The following KIF26B variants were observed in gnomAD, a reference collection of about 807,000 sequenced individuals.
KIF26B encodes the protein kinesin-like protein KIF26B.
KIF26B carries 63 observed loss-of-function variants against 151.2 expected under a neutral mutation model. The ratio of observed to expected loss-of-function variants is 0.42; its 90% CI spans 0.34 to 0.51. KIF26B has a LOEUF of 0.51. KIF26B is among the 20% of genes least tolerant of loss of function. The pLI is 0.07. For missense variants in KIF26B, 2,813 were observed against 2,913.6 expected, an observed-to-expected ratio of 0.97 and a Z score of 0.79; for synonymous variants, 1,357 against 1,262.1, an observed-to-expected ratio of 1.08 and a Z score of -1.59.
At chr1:245,395,718 A>G (rs1217438738) in intron 3 of KIF26B, among the ~76,000 whole-genome samples, 3 of 152,188 alleles carry the variant, frequency 2.0e-5, no homozygotes, top group Non-Finnish European at 4.4e-5. Context: ...GCAATCTGAT[A>G]TACCCCCCAA....
rs1484968638 is a variant in KIF26B at position 245,606,958 on chromosome 1, C to T, written c.1558-693C>T. ...GCACATGCCTGTAATCCCAGCTACTCGGGAGGCTGAGGCAAGAGAATCACT... is the reference window on the plus strand; with the variant it reads ...GCACATGCCTGTAATCCCAGCTACTTGGGAGGCTGAGGCAAGAGAATCACT... On this transcript the variant is annotated intron_variant, in intron 6 of 14. Transcript: ENST00000407071. This position sits in a 1 kb window ranked among gnomAD's most constrained non-coding sequence, Gnocchi z 4.6. Among the ~76,000 whole-genome samples the T allele has an allele frequency of 1.3e-5, 2 of 149,220 alleles. No individual in the cohort carries two copies. Among genetic ancestry groups the T allele is most frequent in the Admixed American group, 1.4e-4 (2 of 14,770 alleles).
chr1:245,645,100 G>C (rs1294033166), intron 9 of KIF26B, among the ~76,000 whole-genome samples: 1 of 152,120 alleles, frequency 6.6e-6, no homozygotes, highest in Non-Finnish European at 1.5e-5. Flanking sequence ...CCATGGGAAG[G>C]GCACTAAGCT....
rs778953530 is a variant in KIF26B at position 245,686,372 on chromosome 1, G to C, written c.3389G>C (p.Gly1130Ala). Residue 1130 changes from glycine to alanine, a missense_variant, in exon 12 of 15, where the codon GGA becomes GCA. Physicochemically the swap from Gly to Ala is moderately conservative, Grantham distance 60 (BLOSUM62 0). This residue lies in a region of KIF26B where 2,060 missense variants were observed against 2,088.6 expected (regional missense o/e 0.99). Transcript: ENST00000407071. This position sits in a 1 kb window ranked among gnomAD's most constrained non-coding sequence, Gnocchi z 5.6. ...LQPEVRTPPVGMSPQVLKKSM... is the reference protein window; with the variant it reads ...LQPEVRTPPVAMSPQVLKKSM... ...CCCGAGGTGCGTACGCCCCCGGTTG[G>C]AATGAGCCCCCAGGTTTTGAAAAAA... 1 of 1,613,412 alleles carries C rather than the reference G, an allele frequency of 6.2e-7. No individual in the cohort carries two copies. Among genetic ancestry groups the C allele is most frequent in the Non-Finnish European group, 8.5e-7 (1 of 1,179,890 alleles).
At chr1:245,505,342 T>G (rs760115427) in intron 4 of KIF26B, among the ~76,000 whole-genome samples, 14 of 152,064 alleles carry the variant, frequency 9.2e-5, no homozygotes, top group Non-Finnish European at 2.1e-4. Flanking sequence ...GGGATCTATA[T>G]TTATAGACAA....
At chr1:245,497,585 T>G (rs1224499957) in intron 4 of KIF26B, among the ~76,000 whole-genome samples, 11 of 152,168 alleles carry the variant, frequency 7.2e-5, no homozygotes, top group Non-Finnish European at 1.5e-5. Flanking sequence ...GACAATAGTT[T>G]GAAATGAAAT....
At chr1:245,477,525 G>A (rs1660066408) in intron 4 of KIF26B, among the ~76,000 whole-genome samples, 1 of 151,828 alleles carries the variant, frequency 6.6e-6, no homozygotes, top group Admixed American at 6.6e-5. Flanking sequence ...ACAAGGTAGC[G>A]CAGGTACGGA....
intron 4 of KIF26B, among the ~76,000 whole-genome samples, chr1:245,492,017 C>A (rs774874938): frequency 2.9e-4 from 44 of 152,156 alleles, no homozygotes; most frequent in Non-Finnish European, 7.3e-5. Context: ...GTTTCTCTGA[C>A]TGTAAAATGG....
At position 245,687,254 on chromosome 1, in the gene KIF26B, G is replaced by A. The variant is rs1048801279; in HGVS notation, c.4271G>A (p.Arg1424Gln). 9 of 1,612,000 alleles carry A rather than the reference G, an allele frequency of 5.6e-6. No individual in the cohort carries two copies. Among genetic ancestry groups the A allele is most frequent in the African/African-American group, 5.3e-5 (4 of 74,832 alleles). ...PKAGPTLAQSRESKENSAKKE... is the reference protein window; with the variant it reads ...PKAGPTLAQSQESKENSAKKE... ...GCAGGCCCCACATTAGCCCAGTCCCGGGAGAGTAAGGAAAACAGTGCAAAG... is the reference window on the plus strand; with the variant it reads ...GCAGGCCCCACATTAGCCCAGTCCCAGGAGAGTAAGGAAAACAGTGCAAAG... The change falls in exon 12 of 15, where the codon CGG (arginine) becomes CAG (glutamine). Residue 1424 changes from arginine to glutamine, a missense_variant. By Grantham distance (43) the Arg-to-Gln change is conservative. Coordinates refer to ENST00000407071, the MANE Select transcript of KIF26B (RefSeq NM_018012.4). This position sits in a 1 kb window ranked among gnomAD's most constrained non-coding sequence, Gnocchi z 4.9.
chr1:245,547,532 C>G (rs1156306448), intron 5 of KIF26B, among the ~76,000 whole-genome samples: 1 of 140,554 alleles, frequency 7.1e-6, no homozygotes, highest in Non-Finnish European at 1.5e-5. Context: ...TTGCAGTAAG[C>G]CAAGATCGCC....
At chr1:245,377,798 C>A (rs1423282109) in intron 3 of KIF26B, among the ~76,000 whole-genome samples, 1 of 151,762 alleles carries the variant, frequency 6.6e-6, no homozygotes, top group Admixed American at 6.6e-5. Flanking sequence ...CATTCATGTT[C>A]TTTGCTTGGA....
intron 4 of KIF26B, among the ~76,000 whole-genome samples, chr1:245,480,305 C>G (rs946123120): frequency 6.6e-6 from 1 of 151,288 alleles, no homozygotes; most frequent in Non-Finnish European, 1.5e-5. Flanking sequence ...AACTGCCGAA[C>G]TACATGCAGG....
chr1:245,419,522 G>C, intron 3 of KIF26B, 57 bp from the exon 4 acceptor site: 1 of 1,509,198 alleles, frequency 6.6e-7, no homozygotes, highest in Non-Finnish European at 9.0e-7. Context: ...TGCTGTCAGT[G>C]GTCAGGAAAA....
At position 245,332,065 on chromosome 1, in the gene KIF26B, G is replaced by A. The variant is rs1032828737; in HGVS notation, c.466-34769G>A. On this transcript the variant is annotated intron_variant, in intron 2 of 14. Coordinates refer to ENST00000407071, the MANE Select transcript of KIF26B (RefSeq NM_018012.4). ...CACTTGAATGCAGGAAATAGAGATT[G>A]CAGTGAGCCAAGATGGCACCACTGC... is the stretch of plus-strand genomic sequence containing the variant. Among the ~76,000 whole-genome samples the A allele has an allele frequency of 3.3e-5, 5 of 152,214 alleles. No individual in the cohort carries two copies. The East Asian group carries it at 9.6e-4, about 29-fold the overall frequency.
chr1:245,431,496 C>T (rs1245818125), intron 4 of KIF26B, among the ~76,000 whole-genome samples: 3 of 152,220 alleles, frequency 2.0e-5, no homozygotes, highest in Non-Finnish European at 4.4e-5. Flanking sequence ...AGGCATCCGC[C>T]ACCATGCCCA....
chr1:245,562,251 G>A (rs778195530), intron 5 of KIF26B, among the ~76,000 whole-genome samples: 9 of 152,048 alleles, frequency 5.9e-5, no homozygotes, highest in Non-Finnish European at 8.8e-5. Context: ...ACAGAAATTC[G>A]GTTTGTGGCT....
chr1:245,555,709 G>C (rs1053437253), intron 5 of KIF26B, among the ~76,000 whole-genome samples: 1 of 152,112 alleles, frequency 6.6e-6, no homozygotes, highest in African/African-American at 2.4e-5. Flanking sequence ...AAAAACCCAA[G>C]ACCAGGTTAC....
chr1:245,372,929 C>T (rs1393552830), intron 3 of KIF26B, among the ~76,000 whole-genome samples: 1 of 152,190 alleles, frequency 6.6e-6, no homozygotes, highest in Non-Finnish European at 1.5e-5. Context: ...CTATGAAATT[C>T]CTACCTCATG....
rs1314882698 is a variant in KIF26B at position 245,686,023 on chromosome 1, G to A, written c.3040G>A (p.Ala1014Thr). The stretch of plus-strand genomic sequence containing the variant: ...CTCACCTGTGCCCGCCGCGGCACCC[G>A]CCCACAGCCCCAGCCCGGCCTCACC... ...SHSPVPAAAP[A>T]HSPSPASPRS... Residue 1014 changes from alanine (A) to threonine (T), a missense_variant, in exon 12 of 15, where the codon GCC becomes ACC. Ala to Thr is a moderately conservative substitution (Grantham distance 58). Around this residue, in one of 3 missense-constraint regions of KIF26B, gnomAD observed 2,060 missense variants for 2,088.6 expected, o/e 0.99. Coordinates refer to ENST00000407071, the MANE Select transcript of KIF26B (RefSeq NM_018012.4). This position sits in a 1 kb window ranked among gnomAD's most constrained non-coding sequence, Gnocchi z 5.6. 14 of 1,593,900 alleles carry A rather than the reference G, an allele frequency of 8.8e-6. No individual in the cohort carries two copies. The highest frequency in any genetic ancestry group is 4.5e-5 in the South Asian group (4 of 88,630).
chr1:245,369,170 A>T (rs1673036749), intron 3 of KIF26B, among the ~76,000 whole-genome samples: 1 of 88,676 alleles, frequency 1.1e-5, no homozygotes, highest in South Asian at 2.6e-4. Context: ...AAGAAGAGTG[A>T]GAGAGAGAGA....
Sources: allele counts gnomAD v4.1 joint callset (sites outside exome capture counted in the v4.1 genomes callset), GRCh38; gene constraint gnomAD v4.1.1; regional missense constraint gnomAD v4.1.1; non-coding constraint Gnocchi (gnomAD v3.1); transcripts MANE v1.5; gene names NCBI Gene and HGNC (gene_info 2026-07-23, HGNC 2026-07-21).